The following JPH3 variants were observed in gnomAD, a reference collection of about 807,000 sequenced individuals.
JPH3 encodes junctophilin 3, also known as junctophilin-3.
JPH3 carries 11 observed loss-of-function variants against 59.6 expected under a neutral mutation model. The observed-to-expected ratio is 0.18, with a 90% CI of 0.12 to 0.31. JPH3 has a LOEUF of 0.31. Ranked by LOEUF, JPH3 falls within the 10% of genes least tolerant of loss-of-function variation. The pLI is 1.00. For missense variants in JPH3, 1,202 were observed against 1,105.7 expected (o/e 1.09, Z -1.24); for synonymous variants, 673 against 483.6 (o/e 1.39, Z -5.14).
chr16:87,633,946 A>G (rs2031648190), intron 1 of JPH3, among the ~76,000 whole-genome samples: 2 of 152,328 alleles, frequency 1.3e-5, no homozygotes, highest in African/African-American at 4.8e-5. Context: ...TATCCTAAGG[A>G]TAAATTTTAA....
intron 1 of JPH3, among the ~76,000 whole-genome samples, chr16:87,642,914 C>T (rs1382282525): frequency 6.6e-6 from 1 of 152,150 alleles, no homozygotes; most frequent in African/African-American, 2.4e-5. Context: ...CAGAATGTAC[C>T]ACGTTAGCTA....
Position 87,697,046 on chromosome 16 carries a change from G to T in JPH3, c.*386G>T. On this transcript the variant is annotated 3_prime_UTR_variant, in exon 5 of 5. Transcript: ENST00000284262. ...CAGCCCGGGGCAGAGCCTCAGCCCC[G>T]CGGCCCCTGAGTGGCAGGGCTGACT... is the stretch of plus-strand genomic sequence containing the variant. 3.6e-6 allele frequency: 1 copy of T among 276,066 alleles called. No individual in the cohort carries two copies. Among genetic ancestry groups the T allele is most frequent in the Non-Finnish European group, 7.1e-6 (1 of 141,244 alleles). The allele number at this position is 276,066 out of a possible 1,614,324, so 17.1% of individuals were successfully genotyped here.
At chr16:87,656,284 C>T (rs1036720407) in intron 2 of JPH3, among the ~76,000 whole-genome samples, 1 of 152,234 alleles carries the variant, frequency 6.6e-6, no homozygotes, top group Admixed American at 6.5e-5. Context: ...CCAGAAGCCG[C>T]AGGCAGGAGA....
intron 2 of JPH3, among the ~76,000 whole-genome samples, chr16:87,682,087 C>T (rs1228685665): frequency 6.6e-6 from 1 of 152,286 alleles, no homozygotes; most frequent in East Asian, 1.9e-4. Flanking sequence ...GGGGTGTGCT[C>T]TCTGGGCCAG....
At chr16:87,652,197 G>C (rs533917231) in intron 2 of JPH3, among the ~76,000 whole-genome samples, 1 of 152,006 alleles carries the variant, frequency 6.6e-6, no homozygotes, top group African/African-American at 2.4e-5. Context: ...GGATGGTCTC[G>C]ATCTCCTGAC....
At chr16:87,695,959 G>A (rs1312608966) in intron 4 of JPH3, 1 of 456,052 alleles carries the variant, frequency 2.2e-6, no homozygotes, top group Non-Finnish European at 4.4e-6. Flanking sequence ...GGAGGTGGTG[G>A]CAGCAGCATT....
At chr16:87,612,446 T>C (rs772087989) in intron 1 of JPH3, among the ~76,000 whole-genome samples, 1 of 152,208 alleles carries the variant, frequency 6.6e-6, no homozygotes, top group Non-Finnish European at 1.5e-5. Context: ...CAACTGCACC[T>C]GGCCTGAGAT....
intron 1 of JPH3, among the ~76,000 whole-genome samples, chr16:87,613,243 C>T (rs2150823577): frequency 6.6e-6 from 1 of 151,412 alleles, no homozygotes; most frequent in African/African-American, 2.4e-5. Flanking sequence ...ACTACAGGTA[C>T]CCACCACCAC....
At chr16:87,602,503 G>C (rs1460276651), upstream of JPH3, among the ~76,000 whole-genome samples, 1 of 139,180 alleles carries the variant, frequency 7.2e-6, no homozygotes, top group Non-Finnish European at 1.6e-5. Flanking sequence ...CGCGCCGCGC[G>C]GCCCGAGCGC....
intron 2 of JPH3, among the ~76,000 whole-genome samples, chr16:87,661,381 C>G (rs1177869426): frequency 2.6e-5 from 4 of 152,244 alleles, no homozygotes; most frequent in African/African-American, 9.6e-5. Context: ...ACAGGGACAT[C>G]TTTGAGGGCT....
chr16:87,626,754 G>A (rs528596909), intron 1 of JPH3, among the ~76,000 whole-genome samples: 4 of 152,236 alleles, frequency 2.6e-5, no homozygotes, highest in African/African-American at 9.6e-5. Context: ...TGGCGGGAGC[G>A]GGTGCTGGCT....
intron 2 of JPH3, chr16:87,653,675 G>A (rs114934082): frequency 1.3e-5 from 2 of 152,208 alleles, no homozygotes; most frequent in East Asian, 1.9e-4. Context: ...TTCTCATCAC[G>A]GGTGTGCTTA....
intron 2 of JPH3, among the ~76,000 whole-genome samples, chr16:87,662,208 C>T (rs923407598): frequency 6.6e-6 from 1 of 152,176 alleles, no homozygotes; most frequent in South Asian, 2.1e-4. Flanking sequence ...TGCTGTTTCT[C>T]TGTGACTTGA....
At chr16:87,688,987 G>A (rs2033486836) in intron 3 of JPH3, among the ~76,000 whole-genome samples, 1 of 152,172 alleles carries the variant, frequency 6.6e-6, no homozygotes, top group Non-Finnish European at 1.5e-5. Context: ...GGGGGCTGAT[G>A]GGGACTGAGC....
At chr16:87,679,375 C>T (rs1435979436) in intron 2 of JPH3, among the ~76,000 whole-genome samples, 1 of 152,206 alleles carries the variant, frequency 6.6e-6, no homozygotes, top group Non-Finnish European at 1.5e-5. Context: ...GACCTCCTGT[C>T]TTTAACAACC....
At chr16:87,635,809 G>A (rs1043540677) in intron 1 of JPH3, among the ~76,000 whole-genome samples, 1 of 152,212 alleles carries the variant, frequency 6.6e-6, no homozygotes, top group South Asian at 2.1e-4. Flanking sequence ...TCAGTGTTTG[G>A]GCCATCGGTG....
chr16:87,670,150 G>A lies in JPH3; in HGVS notation c.1161-13992G>A, dbSNP rs147782191. Among the ~76,000 whole-genome samples the A allele has an allele frequency of 1.0e-3, 159 of 152,278 alleles. 1 individual carries two copies. The East Asian group carries it at 0.017, about 16-fold the overall frequency. ...ACCCCTCAGGAGCAGAGGGTGAGGC[G>A]GGGTCTGCACCGGCCGATGTGGGCA... On this transcript the variant is annotated intron_variant, in intron 2 of 4. Coordinates refer to ENST00000284262, the MANE Select transcript of JPH3 (RefSeq NM_020655.4).
intron 2 of JPH3, among the ~76,000 whole-genome samples, chr16:87,677,466 G>T (rs2033181649): frequency 6.6e-6 from 1 of 152,182 alleles, no homozygotes; most frequent in Non-Finnish European, 1.5e-5. Context: ...ATCTTATCCA[G>T]CATAAGAACA....
intron 4 of JPH3, chr16:87,695,350 G>C (rs1309441151): frequency 4.4e-6 from 2 of 456,110 alleles, no homozygotes; most frequent in African/African-American, 2.0e-5. Flanking sequence ...AGGGGGAGGA[G>C]AGTAGCCATC....
Sources: allele counts gnomAD v4.1 joint callset (sites outside exome capture counted in the v4.1 genomes callset), GRCh38; gene constraint gnomAD v4.1.1; transcripts MANE v1.5; gene names NCBI Gene and HGNC (gene_info 2026-07-23, HGNC 2026-07-21).